ALDOB: variants seen among roughly 807,000 people sequenced by gnomAD.
The protein encoded by ALDOB is aldolase, fructose-bisphosphate B.
A neutral mutation model predicts 41.0 loss-of-function variants in ALDOB; 39 were observed. That is an observed-to-expected ratio of 0.95 (90% CI 0.74 to 1.24). ALDOB has a LOEUF of 1.24. ALDOB is among the 50% of genes most tolerant of loss of function. The pLI, the probability that ALDOB is intolerant of heterozygous loss-of-function variation, is 0.00. For missense variants in ALDOB, 530 were observed against 457.3 expected (o/e 1.16, Z -1.45); for synonymous variants, 175 against 168.8 (o/e 1.04, Z -0.28).
chr9:101,427,547 G>T lies in ALDOB; in HGVS notation c.475C>A (p.Pro159Thr). 4 of 1,614,176 alleles carry T rather than the reference G, an allele frequency of 2.5e-6. No individual in the cohort carries two copies. The highest frequency in any genetic ancestry group is 3.4e-6 in the Non-Finnish European group (4 of 1,180,044). The change falls in exon 5 of 9, where the codon CCA becomes ACA. Residue 159 changes from proline (P) to threonine (T), a missense_variant. By Grantham distance (38) the Pro-to-Thr change is conservative. Transcript: ENST00000647789. ...RAVLRIADQC[P>T]SSLAIQENAN... The stretch of plus-strand genomic sequence containing the variant: ...TTTTCCTGGATAGCGAGGCTGGATG[G>T]ACACTGGTCGGCAATCCTCAGCACA...
intron 2 of ALDOB, 136 bp downstream of exon 2, chr9:101,430,640 G>T: frequency 1.4e-6 from 1 of 722,598 alleles, no homozygotes. Context: ...AAAGCTCTAC[G>T]CTTACTGAGT....
intron 1 of ALDOB, among the ~76,000 whole-genome samples, chr9:101,431,911 G>T (rs76369177): frequency 0.012 from 1,813 of 152,084 alleles, 30 homozygotes; most frequent in African/African-American, 0.041. Flanking sequence ...ATTACTTCCC[G>T]GAAGCCCAGG....
rs1831038378 is a variant in ALDOB, at chr9:101,420,971, C to G, written c.*838G>C. The G allele has an allele frequency of 6.6e-6, 1 of 152,184 alleles. No homozygotes were observed. Among genetic ancestry groups the G allele is most frequent in the African/African-American group, 2.4e-5 (1 of 41,440 alleles). 9.4% of individuals were successfully genotyped at this position (152,184 alleles called of 1,614,324 possible). On this transcript the variant is annotated 3_prime_UTR_variant, in exon 9 of 9. Coordinates refer to ENST00000647789, the MANE Select transcript of ALDOB (RefSeq NM_000035.4). ...CCTGGGCCACTTGAACAAGAATGCT[C>G]CAAGCATTGAAGTCACATTAATTCT...
chr9:101,429,954 T>C lies in ALDOB; in HGVS notation c.125A>G (p.Asn42Ser). The C allele has an allele frequency of 1.2e-6, 2 of 1,614,072 alleles. No homozygotes were observed. The highest frequency in any genetic ancestry group is 2.7e-5 in the African/African-American group (2 of 75,028). ...TTCCACCTTGATCCTCTGCAGGCGG[T>C]TCCCCATGGTACCTATGGTGGGAGG... is the stretch of plus-strand genomic sequence containing the variant. ...AADESVGTMG[N>S]RLQRIKVENT... Residue 42 changes from asparagine to serine, a missense_variant, in exon 3 of 9, where the codon AAC (asparagine) becomes AGC (serine). Physicochemically the swap from Asn to Ser is conservative, Grantham distance 46. Transcript: ENST00000647789.
intron 1 of ALDOB, among the ~76,000 whole-genome samples, chr9:101,431,739 G>A (rs1047019204): frequency 9.2e-5 from 14 of 152,166 alleles, no homozygotes; most frequent in Non-Finnish European, 4.4e-5. Flanking sequence ...CTCACTTTGG[G>A]TGTTACAAAG....
At chr9:101,434,116 G>A (rs1711791734) in intron 1 of ALDOB, among the ~76,000 whole-genome samples, 1 of 152,128 alleles carries the variant, frequency 6.6e-6, no homozygotes, top group Admixed American at 6.6e-5. Flanking sequence ...TATTACATAT[G>A]TGTAACAAGT....
intron 3 of ALDOB, among the ~76,000 whole-genome samples, chr9:101,429,385 C>A (rs75295708): frequency 1.3e-5 from 2 of 152,284 alleles, no homozygotes; most frequent in Non-Finnish European, 2.9e-5. Context: ...TCTCAAACTC[C>A]TGAGCTCAAG....
At chr9:101,425,321 A>G in intron 7 of ALDOB, 132 bp downstream of exon 7, 1 of 1,106,586 alleles carries the variant, frequency 9.0e-7, no homozygotes, top group Non-Finnish European at 1.3e-6. Context: ...TGGGAGAAGA[A>G]GTGCTGGCTG....
intron 3 of ALDOB, 24 bp downstream of exon 3, chr9:101,429,731 T>A (rs760012743): frequency 1.9e-6 from 3 of 1,609,236 alleles, no homozygotes; most frequent in Non-Finnish European, 2.6e-6. Context: ...AAAGCAGAAG[T>A]GAGGTGTGAA....
intron 1 of ALDOB, among the ~76,000 whole-genome samples, chr9:101,435,329 T>A (rs762480768): frequency 2.0e-5 from 3 of 152,198 alleles, no homozygotes; most frequent in Admixed American, 6.5e-5. Flanking sequence ...AAATAAGTAG[T>A]TGTTATGAAA....
intron 1 of ALDOB, among the ~76,000 whole-genome samples, chr9:101,432,361 G>T (rs774551963): frequency 5.3e-5 from 8 of 152,144 alleles, no homozygotes; most frequent in African/African-American, 1.2e-4. Context: ...GAGCATGTTT[G>T]CCCTGTTTAT....
chr9:101,428,848 T>C (rs1292335552), intron 3 of ALDOB, among the ~76,000 whole-genome samples: 1 of 152,230 alleles, frequency 6.6e-6, no homozygotes, highest in Non-Finnish European at 1.5e-5. Context: ...AAACTGGCTC[T>C]GACCTTGCCT....
rs761508514 is a variant in ALDOB at position 101,421,869 on chromosome 9, G to A, written c.1035C>T (p.His345=). Residue 345 remains histidine, a synonymous_variant, in exon 9 of 9, where the codon CAC becomes CAT. Transcript: ENST00000647789. The stretch of plus-strand genomic sequence containing the variant: ...TGGAAGCAGCCCCAGAAGAACCCGT[G>A]TGAACATACTGTCCTTTGGCCGCCT... ...NCQAAKGQYV[H]TGSSGAASTQ... The A allele has an allele frequency of 9.9e-6, 16 of 1,613,972 alleles. No individual in the cohort carries two copies. In the East Asian group the frequency reaches 3.1e-4, roughly 31 times the overall value.
At chr9:101,424,374 G>T (rs1209458022) in intron 8 of ALDOB, among the ~76,000 whole-genome samples, 2 of 152,168 alleles carry the variant, frequency 1.3e-5, no homozygotes, top group African/African-American at 4.8e-5. Context: ...AGCCGAGATT[G>T]TGCCACTGTA....
intron 1 of ALDOB, among the ~76,000 whole-genome samples, chr9:101,434,586 C>A (rs74939247): frequency 1.3e-5 from 2 of 152,340 alleles, no homozygotes; most frequent in African/African-American, 4.8e-5. Context: ...CACTTTTGTA[C>A]ATGATGCTTA....
At chr9:101,433,934 A>T (rs1455775565) in intron 1 of ALDOB, among the ~76,000 whole-genome samples, 1 of 147,294 alleles carries the variant, frequency 6.8e-6, no homozygotes, top group Non-Finnish European at 1.5e-5. Flanking sequence ...ATGCCCAGCT[A>T]TTTTTTTTTT....
intron 5 of ALDOB, 45 bp from the exon 6 acceptor site, chr9:101,426,683 G>T: frequency 8.4e-7 from 1 of 1,190,308 alleles, no homozygotes; most frequent in Non-Finnish European, 1.3e-6. Context: ...TGTGCTCACT[G>T]TTATCCTTTC....
Position 101,425,442 on chromosome 9 carries a change from G to C in ALDOB, c.799+11C>G. 1 of 1,613,986 alleles carries C rather than the reference G, an allele frequency of 6.2e-7. No homozygotes were observed. Among genetic ancestry groups the C allele is most frequent in the Non-Finnish European group, 8.5e-7 (1 of 1,179,900 alleles). ...CTAAGACCTTGAGTTAGAGAAGAAAGAAGGCCTTACCAGGAACAGCTGCAG... is the reference window on the plus strand; with the variant it reads ...CTAAGACCTTGAGTTAGAGAAGAAACAAGGCCTTACCAGGAACAGCTGCAG... On this transcript the variant is annotated intron_variant, in intron 7 of 8. Transcript: ENST00000647789.
intron 2 of ALDOB, 53 bp from the exon 3 acceptor site, chr9:101,430,019 C>A (rs1441989431): frequency 6.9e-7 from 1 of 1,442,804 alleles, no homozygotes; most frequent in African/African-American, 1.4e-5. Flanking sequence ...GCTTTCCTGT[C>A]ACCCTTCTCC....
Sources: allele counts gnomAD v4.1 joint callset (sites outside exome capture counted in the v4.1 genomes callset), GRCh38; gene constraint gnomAD v4.1.1; transcripts MANE v1.5; gene names NCBI Gene and HGNC (gene_info 2026-07-23, HGNC 2026-07-21).